Variants in ADGRE3 observed in about 807,000 individuals in gnomAD.
ADGRE3 encodes EGF-like module receptor 3.
In ADGRE3, 88 loss-of-function variants were observed where a neutral mutation model predicts 80.1. That is an observed-to-expected ratio of 1.10 (90% confidence interval 0.93 to 1.31). The LOEUF is 1.31. ADGRE3 is among the 40% of genes most tolerant of loss of function. The pLI is 0.00. For synonymous variants in ADGRE3, 281 were observed against 294.8 expected (o/e 0.95, Z 0.48); for missense variants, 715 against 776.5 (o/e 0.92, Z 0.94).
intron 2 of ADGRE3, among the ~76,000 whole-genome samples, chr19:14,664,570 A>G (rs958030750): frequency 4.6e-5 from 7 of 151,720 alleles, no homozygotes; most frequent in Admixed American, 6.6e-5. Flanking sequence ...TTAGCCAGTC[A>G]TGGTGGCATG....
intron 9 of ADGRE3, among the ~76,000 whole-genome samples, chr19:14,641,985 T>A (rs148980774): frequency 2.0e-5 from 3 of 152,214 alleles, no homozygotes; most frequent in Non-Finnish European, 4.4e-5. Context: ...GACATATGAT[T>A]TTTTTCCCCT....
rs201490623 is a variant in ADGRE3, at chr19:14,651,143, G to A, written c.639C>T (p.Asn213=). The change falls in exon 7 of 16, where the codon AAC becomes AAT. Residue 213 remains asparagine, a synonymous_variant. Coordinates refer to ENST00000253673, the MANE Select transcript of ADGRE3 (RefSeq NM_032571.5). The part of the protein sequence containing the change: ...CSEERKTFNL[N]VQMNSMDIRC... ...GGATGTCCATTGAGTTCATTTGGACGTTCAAGTTGAATGTCTTTCTTTCTT... is the reference window on the plus strand; with the variant it reads ...GGATGTCCATTGAGTTCATTTGGACATTCAAGTTGAATGTCTTTCTTTCTT... The A allele has an allele frequency of 1.5e-5, 25 of 1,613,496 alleles. No individual in the cohort carries two copies. In the East Asian group the frequency reaches 2.2e-4, roughly 14 times the overall value.
intron 1 of ADGRE3, among the ~76,000 whole-genome samples, chr19:14,672,281 G>C (rs540275963): frequency 6.6e-6 from 1 of 152,184 alleles, no homozygotes; most frequent in South Asian, 2.1e-4. Context: ...AAGAGTCATC[G>C]GTGTGTCAGA....
At chr19:14,633,627 C>G (rs1400920768) in intron 11 of ADGRE3, among the ~76,000 whole-genome samples, 1 of 150,840 alleles carries the variant, frequency 6.6e-6, no homozygotes, top group Admixed American at 6.7e-5. Flanking sequence ...ATGGCGTGAA[C>G]TCGGTAAGCG....
chr19:14,651,244 A>G (rs1287612517), intron 6 of ADGRE3, 40 bp from the exon 7 acceptor site: 30 of 1,612,184 alleles, frequency 1.9e-5, no homozygotes, highest in Non-Finnish European at 2.5e-5. Flanking sequence ...TGATATTGTA[A>G]GAAACTTTAA....
chr19:14,646,081 C>A (rs1250276281), intron 8 of ADGRE3, among the ~76,000 whole-genome samples: 1 of 152,166 alleles, frequency 6.6e-6, no homozygotes, highest in Non-Finnish European at 1.5e-5. Flanking sequence ...TAAATATAAT[C>A]AACATAGATA....
intron 11 of ADGRE3, among the ~76,000 whole-genome samples, chr19:14,633,719 A>T (rs1358108441): frequency 4.2e-4 from 47 of 112,930 alleles, no homozygotes; most frequent in African/African-American, 1.6e-3. Flanking sequence ...AAAATAAAAT[A>T]AAATAAAATA....
At chr19:14,657,940 T>C (rs1971818299) in intron 5 of ADGRE3, among the ~76,000 whole-genome samples, 1 of 151,890 alleles carries the variant, frequency 6.6e-6, no homozygotes, top group Admixed American at 6.6e-5. Context: ...ATTTTTGTAT[T>C]TTTTAGTAGA....
chr19:14,618,112 T>C (rs1217142186), downstream of ADGRE3, among the ~76,000 whole-genome samples: 1 of 152,176 alleles, frequency 6.6e-6, no homozygotes, highest in Non-Finnish European at 1.5e-5. Flanking sequence ...TATTTATTTA[T>C]TTGTTTTATA....
chr19:14,643,836 G>C (rs1334055977), intron 9 of ADGRE3, among the ~76,000 whole-genome samples: 1 of 151,696 alleles, frequency 6.6e-6, no homozygotes, highest in African/African-American at 2.4e-5. Context: ...TCAGCCTCCT[G>C]AGTAGCTGGG....
In ADGRE3 at chr19:14,647,221, G is replaced by T; in HGVS notation, c.842C>A (p.Ser281Tyr). 6.2e-7 allele frequency: 1 copy of T among 1,613,970 alleles called. No individual in the cohort carries two copies. The highest frequency in any genetic ancestry group is 8.5e-7 in the Non-Finnish European group (1 of 1,179,976). The change falls in exon 8 of 16, where the codon TCT becomes TAT. Residue 281 changes from serine to tyrosine, a missense_variant. Coordinates refer to ENST00000253673, the MANE Select transcript of ADGRE3 (RefSeq NM_032571.5). ...AGTCAGCGTCACAGACTTGGAGAGA[G>T]ACACGTTCCTTTTGGGTCCAATAGC... The part of the protein sequence containing the change: ...SAAIGPKRNV[S>Y]LSKSVTLTFQ...
chr19:14,663,518 T>TGGGGG lies in ADGRE3; in HGVS notation c.94_98dup (p.Asn34ProfsTer142), dbSNP rs1766935771. ...GAGTGTTATTGACACAGGAAGCATT[T>TGGGGG]GGGGGGCACTTAGCACAGGAAGCTG... On this transcript the variant is annotated frameshift_variant, in exon 3 of 16. Transcript: ENST00000253673. LOFTEE classifies it high-confidence loss of function. The TGGGGG allele has an allele frequency of 6.2e-7, 1 of 1,613,174 alleles. No individual in the cohort carries two copies. Among genetic ancestry groups the TGGGGG allele is most frequent in the Admixed American group, 1.7e-5 (1 of 59,976 alleles).
intron 4 of ADGRE3, among the ~76,000 whole-genome samples, chr19:14,661,697 G>A (rs1197885676): frequency 2.0e-5 from 3 of 152,230 alleles, no homozygotes; most frequent in East Asian, 3.9e-4. Context: ...AAGGACTGCC[G>A]CCTGTAAAAA....
chr19:14,627,809 G>A (rs931156444), intron 14 of ADGRE3, among the ~76,000 whole-genome samples: 7 of 151,978 alleles, frequency 4.6e-5, no homozygotes, highest in African/African-American at 1.4e-4. Flanking sequence ...GTAGCCATAT[G>A]AAATAAAACT....
intron 12 of ADGRE3, 82 bp downstream of exon 12, chr19:14,633,154 A>C: frequency 1.5e-6 from 2 of 1,377,194 alleles, no homozygotes; most frequent in Non-Finnish European, 2.0e-6. Flanking sequence ...CAACAGTGGA[A>C]ATGCAAGCCC....
At chr19:14,662,203 C>A in intron 3 of ADGRE3, 85 bp from the exon 4 acceptor site, 2 of 1,405,192 alleles carry the variant, frequency 1.4e-6, no homozygotes, top group Non-Finnish European at 9.9e-7. Context: ...TGCTCTTTCC[C>A]CCATGGTCTG....
intron 14 of ADGRE3, among the ~76,000 whole-genome samples, chr19:14,629,330 T>C (rs902833121): frequency 2.0e-5 from 3 of 152,186 alleles, no homozygotes; most frequent in East Asian, 3.8e-4. Context: ...AAATAATTCA[T>C]GTGAAGTGGT....
downstream of ADGRE3, among the ~76,000 whole-genome samples, chr19:14,615,199 C>CTTTTTTT (rs1227946914): frequency 6.6e-5 from 6 of 91,024 alleles, no homozygotes; most frequent in Non-Finnish European, 4.7e-5. Flanking sequence ...CTACAGCTGC[C>CTTTTTTT]TTCTTTTTTT....
chr19:14,630,337 C>CTTCCATT, intron 13 of ADGRE3, 130 bp from the exon 14 acceptor site: 1 of 596,206 alleles, frequency 1.7e-6, no homozygotes, highest in Non-Finnish European at 2.6e-6. Context: ...CCAGCACTGG[C>CTTCCATT]TACCTGTGTG....
Sources: gnomAD v4.1 joint callset for allele counts (sites outside exome capture counted in the v4.1 genomes callset) on GRCh38, gnomAD v4.1.1 for gene constraint, MANE v1.5 for transcripts, NCBI Gene and HGNC (gene_info 2026-07-23, HGNC 2026-07-21) for gene names.